UNC45B: variants seen among roughly 807,000 people sequenced by gnomAD.
UNC45B encodes the protein unc-45 myosin chaperone B.
UNC45B carries 78 observed loss-of-function variants against 98.7 expected under a neutral mutation model. The observed-to-expected ratio is 0.79, with a 90% CI of 0.66 to 0.95. The LOEUF (loss-of-function observed/expected upper bound fraction) is 0.95. Ranked by LOEUF, UNC45B falls within the 40% of genes least tolerant of loss-of-function variation. The probability of loss-of-function intolerance (pLI) is 0.00; values close to 1 mark genes in which losing one functional copy is unlikely to be tolerated. For synonymous variants in UNC45B, 462 were observed against 480.4 expected, an observed-to-expected ratio of 0.96 and a Z score of 0.50; for missense variants, 1,225 against 1,184.9, an observed-to-expected ratio of 1.03 and a Z score of -0.50.
At chr17:35,185,709 T>A (rs971740586) in intron 19 of UNC45B, among the ~76,000 whole-genome samples, 1 of 152,052 alleles carries the variant, frequency 6.6e-6, no homozygotes, top group African/African-American at 2.4e-5. Flanking sequence ...CCATGTATCA[T>A]CTCATTAAAT....
At chr17:35,173,462 T>G (rs1426949447) in intron 13 of UNC45B, among the ~76,000 whole-genome samples, 1 of 151,712 alleles carries the variant, frequency 6.6e-6, no homozygotes, top group Admixed American at 6.6e-5. Context: ...AGGTCAAGAG[T>G]CCTAAAATGA....
Position 35,168,119 on chromosome 17 carries a change from G to A in UNC45B, c.1210G>A (p.Gly404Arg), listed in dbSNP as rs751423784. ...CTTGAATGCCATCCAGACAGTGTCA[G>A]GGATCCTGCAGGGCCCCTTTGACCT... ...KNLNAIQTVS[G>R]ILQGPFDLGN... The change falls in exon 10 of 20, where the codon GGG (glycine) becomes AGG (arginine). Residue 404 changes from glycine (G) to arginine (R), a missense_variant. Coordinates refer to ENST00000394570, the MANE Select transcript of UNC45B (RefSeq NM_001267052.2). 6.3e-7 allele frequency: 1 copy of A among 1,587,250 alleles called. No individual in the cohort carries two copies. The highest frequency in any genetic ancestry group is 8.6e-7 in the Non-Finnish European group (1 of 1,166,196).
chr17:35,180,771 A>G, intron 18 of UNC45B, 95 bp downstream of exon 18: 1 of 877,570 alleles, frequency 1.1e-6, no homozygotes. Context: ...AGCTCTTATG[A>G]TGGCATTAAG....
chr17:35,150,347 G>C (rs1459446836), intron 4 of UNC45B, 124 bp downstream of exon 4: 2 of 1,077,130 alleles, frequency 1.9e-6, no homozygotes, highest in Non-Finnish European at 2.6e-6. Flanking sequence ...CTGAGATAGA[G>C]ACAGCAAGTG....
intron 18 of UNC45B, 61 bp downstream of exon 18, chr17:35,180,737 G>A: frequency 7.4e-7 from 1 of 1,347,968 alleles, no homozygotes; most frequent in East Asian, 2.3e-5. Flanking sequence ...GCAGGCCAGG[G>A]TCAGGGCCTG....
At chr17:35,154,024 T>C (rs867476166) in intron 5 of UNC45B, among the ~76,000 whole-genome samples, 3 of 152,256 alleles carry the variant, frequency 2.0e-5, no homozygotes, top group Non-Finnish European at 4.4e-5. Context: ...TCCAGAGAAG[T>C]GCCGTGACTC....
chr17:35,149,158 T>C (rs941537125), intron 3 of UNC45B, 149 bp downstream of exon 3: 19 of 991,372 alleles, frequency 1.9e-5, no homozygotes, highest in Non-Finnish European at 2.7e-5. Context: ...ACTGGAAACA[T>C]ATCCTGTGAA....
At chr17:35,148,488 G>A in intron 2 of UNC45B, 57 bp downstream of exon 2, 2 of 1,556,548 alleles carry the variant, frequency 1.3e-6, no homozygotes, top group South Asian at 2.3e-5. Flanking sequence ...TTGGGGCTGA[G>A]TGGCAGCCCC....
In UNC45B at chr17:35,155,300, C is replaced by G. The variant is rs2092051250; in HGVS notation, c.644C>G (p.Thr215Arg). 6.2e-7 allele frequency: 1 copy of G among 1,613,858 alleles called. No individual in the cohort carries two copies. Among genetic ancestry groups the G allele is most frequent in the Non-Finnish European group, 8.5e-7 (1 of 1,179,866 alleles). Reference protein sequence around the residue: ...GMCSGHQARATVILHAVRIDR... With the variant: ...GMCSGHQARARVILHAVRIDR... ...TGGTTCTTGCTGGGGTTCTAGGCCA[C>G]AGTGATTCTGCATGCAGTGCGGATA... The change falls in exon 7 of 20, where the codon ACA becomes AGA. Residue 215 changes from threonine (T) to arginine (R), a missense_variant. Thr to Arg is a moderately conservative substitution (Grantham distance 71, BLOSUM62 -1). Transcript: ENST00000394570.
intron 18 of UNC45B, among the ~76,000 whole-genome samples, chr17:35,180,910 A>C (rs2092269553): frequency 6.6e-6 from 1 of 152,040 alleles, no homozygotes; most frequent in Non-Finnish European, 1.5e-5. Context: ...TTCAATCCAG[A>C]CCCTGGGCTA....
chr17:35,151,795 C>T (rs922913990), intron 4 of UNC45B, among the ~76,000 whole-genome samples: 13 of 152,206 alleles, frequency 8.5e-5, no homozygotes, highest in African/African-American at 2.9e-4. Context: ...CCTCTCCGCA[C>T]CCCCAAAGGA....
chr17:35,152,624 T>C (rs1024255331), intron 4 of UNC45B, among the ~76,000 whole-genome samples: 1 of 152,244 alleles, frequency 6.6e-6, no homozygotes, highest in African/African-American at 2.4e-5. Flanking sequence ...CCTTTACGCC[T>C]TCCCAGACTA....
intron 5 of UNC45B, 59 bp from the exon 6 acceptor site, chr17:35,154,514 TG>T: frequency 6.5e-7 from 1 of 1,527,288 alleles, no homozygotes; most frequent in Non-Finnish European, 8.8e-7. Flanking sequence ...ACTTGGCCCA[TG>T]GTCCAGGCCT....
chr17:35,186,557 T>C lies in UNC45B; in HGVS notation c.2788T>C (p.Ter930GlnextTer45), dbSNP rs934263078. 15 of 1,614,016 alleles carry C rather than the reference T, an allele frequency of 9.3e-6. No individual in the cohort carries two copies. In the Admixed American group the frequency reaches 2.0e-4, roughly 22 times the overall value. ...MDYGFIKPVS[*>Q] ...TTATGGTTTCATTAAACCAGTGTCT[T>C]AGACAGCGACCCTCAGGGATGCTGG... The change falls in exon 20 of 20, where the codon TAG (stop) becomes CAG (glutamine). Residue 930 changes from the stop codon to glutamine, a stop_lost. Coordinates refer to ENST00000394570, the MANE Select transcript of UNC45B (RefSeq NM_001267052.2).
chr17:35,169,546 G>C lies in UNC45B; in HGVS notation c.1453-291G>C, dbSNP rs566640279. Among the ~76,000 whole-genome samples, 190 of 152,268 alleles carry C rather than the reference G, an allele frequency of 1.2e-3. 2 individuals are homozygous for C. Among genetic ancestry groups the C allele is most frequent in the Non-Finnish European group, 2.3e-3 (159 of 68,022 alleles). ...CAGATATGGTTAACTTGGTCTTGCTGGTTTTTCAAAATGGCAGGCACAATA... is the reference window on the plus strand; with the variant it reads ...CAGATATGGTTAACTTGGTCTTGCTCGTTTTTCAAAATGGCAGGCACAATA... On this transcript the variant is annotated intron_variant, in intron 10 of 19. Transcript: ENST00000394570.
Position 35,169,834 on chromosome 17 carries a change from CA to C in UNC45B, c.1453-2del, listed in dbSNP as rs1382480049. ...TGTGTCTGCTGTCTCCTCTCCTCCT[CA>C]GGGACTCTGTAAGCTCGGCTCTGCA... is the stretch of plus-strand genomic sequence containing the variant. On this transcript the variant is annotated splice_acceptor_variant, in intron 10 of 19. Coordinates refer to ENST00000394570, the MANE Select transcript of UNC45B (RefSeq NM_001267052.2). LOFTEE classifies it high-confidence loss of function. 1 of 1,614,062 alleles carries C rather than the reference CA, an allele frequency of 6.2e-7. No individual in the cohort carries two copies. Among genetic ancestry groups the C allele is most frequent in the African/African-American group, 1.3e-5 (1 of 75,050 alleles).
At chr17:35,176,628 C>T (rs886333920) in intron 15 of UNC45B, among the ~76,000 whole-genome samples, 1 of 152,022 alleles carries the variant, frequency 6.6e-6, no homozygotes, top group Admixed American at 6.6e-5. Context: ...TGCAATGAGC[C>T]GAGATCATGC....
intron 10 of UNC45B, among the ~76,000 whole-genome samples, chr17:35,168,821 C>A (rs1452539300): frequency 6.6e-6 from 1 of 152,140 alleles, no homozygotes; most frequent in Non-Finnish European, 1.5e-5. Context: ...ACTCTTGTGC[C>A]TCAGCCCCCA....
At chr17:35,167,311 G>A (rs914695745) in intron 9 of UNC45B, among the ~76,000 whole-genome samples, 1 of 151,770 alleles carries the variant, frequency 6.6e-6, no homozygotes, top group African/African-American at 2.4e-5. Flanking sequence ...CCCTTCCCAG[G>A]GAAGCCAGTA....
Sources: gnomAD v4.1 joint callset for allele counts (sites outside exome capture counted in the v4.1 genomes callset) on GRCh38, gnomAD v4.1.1 for gene constraint, MANE v1.5 for transcripts, NCBI Gene and HGNC (gene_info 2026-07-23, HGNC 2026-07-21) for gene names.